The following MACROD2 variants were observed in gnomAD, a reference collection of about 807,000 sequenced individuals.
MACROD2 encodes the protein ADP-ribose glycohydrolase MACROD2.
In MACROD2, 36 loss-of-function variants were observed where a neutral mutation model predicts 70.4. The observed-to-expected ratio is 0.51, with a 90% CI of 0.39 to 0.68. MACROD2 has a LOEUF of 0.68. MACROD2 is among the 30% of genes least tolerant of loss of function. The pLI is 0.00. For missense variants in MACROD2, 496 were observed against 538.4 expected (o/e 0.92, Z 0.78); for synonymous variants, 172 against 178.8 (o/e 0.96, Z 0.30).
At chr20:15,321,486 G>A (rs1264055817) in intron 6 of MACROD2, among the ~76,000 whole-genome samples, 1 of 144,006 alleles carries the variant, frequency 6.9e-6, no homozygotes, top group Non-Finnish European at 1.6e-5. Flanking sequence ...TGGGATGATT[G>A]TTAAAATTTC....
intron 8 of MACROD2, among the ~76,000 whole-genome samples, chr20:15,787,749 A>G (rs1189715654): frequency 6.6e-6 from 1 of 152,174 alleles, no homozygotes; most frequent in African/African-American, 2.4e-5. Flanking sequence ...ATATTTTAGA[A>G]AATAAAATTT....
intron 6 of MACROD2, 61 bp downstream of exon 6, chr20:15,230,122 G>C: frequency 6.6e-7 from 1 of 1,515,754 alleles, no homozygotes; most frequent in Non-Finnish European, 9.0e-7. Flanking sequence ...TTAGTAATCT[G>C]TCTTGTCTAA....
chr20:14,316,510 G>GA (rs2082612796), intron 3 of MACROD2, among the ~76,000 whole-genome samples: 1 of 152,210 alleles, frequency 6.6e-6, no homozygotes, highest in Admixed American at 6.5e-5. Context: ...GGATGGCTTT[G>GA]AATGTGGCCC....
rs1600724931 is a variant in MACROD2, at chr20:14,851,799, C to T, written c.418+166840C>T. ...ACCCTATTTGAAGAGATAATTATTC[C>T]CATTTCACAGAAAACAAAACAGTGT... On this transcript the variant is annotated intron_variant, in intron 5 of 17. Transcript: ENST00000684519. Among the ~76,000 whole-genome samples, 3 of 152,240 alleles carry T rather than the reference C, an allele frequency of 2.0e-5. No individual in the cohort carries two copies. In the East Asian group the frequency reaches 5.8e-4, roughly 29 times the overall value.
chr20:15,794,474 CA>C (rs2063654782), intron 8 of MACROD2, among the ~76,000 whole-genome samples: 1 of 152,192 alleles, frequency 6.6e-6, no homozygotes, highest in Non-Finnish European at 1.5e-5. Flanking sequence ...ACCGTGTCGG[CA>C]GCAAAGCAAG....
chr20:15,819,922 C>A (rs1397352172), intron 8 of MACROD2, among the ~76,000 whole-genome samples: 2 of 152,004 alleles, frequency 1.3e-5, no homozygotes, highest in African/African-American at 4.8e-5. Flanking sequence ...GTTATTCTCA[C>A]CCCAATAAAA....
intron 5 of MACROD2, among the ~76,000 whole-genome samples, chr20:15,041,421 AT>A (rs1207961954): frequency 6.6e-6 from 1 of 151,950 alleles, no homozygotes; most frequent in African/African-American, 2.4e-5. Flanking sequence ...CTAGATTTTG[AT>A]TTTTTTAAAT....
At chr20:14,353,096 G>C (rs1297851296) in intron 3 of MACROD2, among the ~76,000 whole-genome samples, 2 of 152,020 alleles carry the variant, frequency 1.3e-5, no homozygotes, top group Non-Finnish European at 2.9e-5. Context: ...TAAACAATAT[G>C]GATGTTGATT....
chr20:14,393,250 A>G (rs1354050832), intron 3 of MACROD2, among the ~76,000 whole-genome samples: 3 of 152,198 alleles, frequency 2.0e-5, no homozygotes, highest in African/African-American at 7.2e-5. Context: ...GAGCATGTTA[A>G]CAAGAATATT....
chr20:14,715,076 G>A (rs1348198909), intron 5 of MACROD2, among the ~76,000 whole-genome samples: 1 of 152,154 alleles, frequency 6.6e-6, no homozygotes, highest in Non-Finnish European at 1.5e-5. Context: ...AGGTTTCATT[G>A]TCTCACAGTT....
chr20:15,274,313 A>T (rs1475893623), intron 6 of MACROD2, among the ~76,000 whole-genome samples: 1 of 152,226 alleles, frequency 6.6e-6, no homozygotes, highest in Non-Finnish European at 1.5e-5. Flanking sequence ...AACTCATTAC[A>T]GTTAGACTCC....
At chr20:14,767,299 G>A (rs117451967) in intron 5 of MACROD2, among the ~76,000 whole-genome samples, 5,167 of 152,048 alleles carry the variant, frequency 0.034, 132 homozygotes, top group Non-Finnish European at 0.049. Context: ...TCCAGAATCC[G>A]ACTTGGTATA....
chr20:15,049,146 G>A (rs767543242), intron 5 of MACROD2, among the ~76,000 whole-genome samples: 37 of 151,874 alleles, frequency 2.4e-4, no homozygotes, highest in Non-Finnish European at 4.0e-4. Context: ...GTGATGGGAA[G>A]TAAAAACAGG....
chr20:15,806,345 C>T (rs2063769147), intron 8 of MACROD2, among the ~76,000 whole-genome samples: 1 of 152,152 alleles, frequency 6.6e-6, no homozygotes, highest in African/African-American at 2.4e-5. Flanking sequence ...GAAATGTTCT[C>T]GGCCAGACAG....
At chr20:15,152,495 A>AAAGGATCGGGGCACAGAGATAAGAGGTTG (rs1351354651) in intron 5 of MACROD2, among the ~76,000 whole-genome samples, 9 of 144,494 alleles carry the variant, frequency 6.2e-5, no homozygotes, top group South Asian at 2.2e-4. Context: ...ATAAGAGGTT[A>AAAGGATCGGGGCACAGAGATAAGAGGTTG]GGGCATGGAA....
chr20:15,472,795 A>C (rs2146437506), intron 7 of MACROD2, among the ~76,000 whole-genome samples: 1 of 152,204 alleles, frequency 6.6e-6, no homozygotes, highest in South Asian at 2.1e-4. Context: ...AGTAAAATCC[A>C]TGCCTTATGC....
intron 5 of MACROD2, among the ~76,000 whole-genome samples, chr20:14,704,018 G>A (rs1421805591): frequency 6.6e-6 from 1 of 151,982 alleles, no homozygotes; most frequent in African/African-American, 2.4e-5. Flanking sequence ...GTGAGCCACC[G>A]CATCTGGCCT....
At chr20:15,026,895 G>C (rs1051822469) in intron 5 of MACROD2, among the ~76,000 whole-genome samples, 3 of 152,186 alleles carry the variant, frequency 2.0e-5, no homozygotes, top group Non-Finnish European at 2.9e-5. Flanking sequence ...TCAGAGTCAA[G>C]TGCAATGCAA....
intron 8 of MACROD2, among the ~76,000 whole-genome samples, chr20:15,543,890 A>G (rs957312492): frequency 1.1e-4 from 17 of 152,200 alleles, no homozygotes; most frequent in African/African-American, 4.1e-4. Context: ...TTCTCATGGT[A>G]GAGGTATAAG....
Sources: gnomAD v4.1 joint callset for allele counts (sites outside exome capture counted in the v4.1 genomes callset) on GRCh38, gnomAD v4.1.1 for gene constraint, MANE v1.5 for transcripts, NCBI Gene and HGNC (gene_info 2026-07-23, HGNC 2026-07-21) for gene names.